Variants in LYST observed in about 807,000 individuals in gnomAD.
LYST encodes the protein lysosomal-trafficking regulator.
Under a neutral mutation model 413.6 loss-of-function variants are expected in LYST, and 192 were observed. The observed-to-expected ratio is 0.46, with a 90% CI of 0.41 to 0.52. The LOEUF (loss-of-function observed/expected upper bound fraction) is 0.52, where lower values mean the gene tolerates loss of function less well. Among genes scored for constraint, LYST ranks in the 20% least tolerant of loss-of-function variants. The probability of loss-of-function intolerance (pLI) is 0.00; values close to 1 mark genes in which losing one functional copy is unlikely to be tolerated. For missense variants in LYST, 3,815 were observed against 4,499.9 expected, an observed-to-expected ratio of 0.85 and a Z score of 4.35; for synonymous variants, 1,525 against 1,567.3, an observed-to-expected ratio of 0.97 and a Z score of 0.64.
chr1:235,661,192 C>T lies in LYST; in HGVS notation c.*1748G>A, dbSNP rs1478248136. ...AGGTTTCATGCTGAATAAATAATCC[C>T]CCCAAATTAATTTTTATTTTTACAT... On this transcript the variant is annotated 3_prime_UTR_variant, in exon 53 of 53. Transcript: ENST00000389793. 10 of 152,354 alleles carry T rather than the reference C, an allele frequency of 6.6e-5. No individual in the cohort carries two copies. The highest frequency in any genetic ancestry group is 1.5e-4 in the Non-Finnish European group (10 of 68,004). The allele number at this position is 152,354 out of a possible 1,614,324, so 9.4% of individuals were successfully genotyped here.
At position 235,809,981 on chromosome 1, in the gene LYST, A is replaced by C; in HGVS notation, c.837T>G (p.Ser279=). The change falls in exon 5 of 53, where the codon TCT becomes TCG. Residue 279 remains serine (S), a synonymous_variant. Coordinates refer to ENST00000389793, the MANE Select transcript of LYST (RefSeq NM_000081.4). This position sits in a 1 kb window ranked among gnomAD's most constrained non-coding sequence, Gnocchi z 4.0. The stretch of plus-strand genomic sequence containing the variant: ...TGGGCACTACACTGGCTGCTAAAGG[A>C]GAATTATGATTCAAGGTAACGTCAA... ...CKFDVTLNHN[S]PLAASVVPTL... The C allele has an allele frequency of 6.2e-7, 1 of 1,613,898 alleles. No homozygotes were observed. The highest frequency in any genetic ancestry group is 8.5e-7 in the Non-Finnish European group (1 of 1,179,924).
rs115454244 is a variant in LYST at position 235,838,046 on chromosome 1, T to C, written c.-97-4379A>G. ...GAAGGAACAGTGGCAGTTCATCTAATTGAATAAGAAGAATGTCAGAGAATA... is the reference window on the plus strand; with the variant it reads ...GAAGGAACAGTGGCAGTTCATCTAACTGAATAAGAAGAATGTCAGAGAATA... On this transcript the variant is annotated intron_variant, in intron 1 of 52. Transcript: ENST00000389793. 1.8e-3 allele frequency among the ~76,000 whole-genome samples: 269 copies of C among 152,214 alleles called. 1 individual carries two copies. The highest frequency in any genetic ancestry group is 5.9e-3 in the African/African-American group (244 of 41,542).
chr1:235,740,818 A>G (rs76893537), intron 31 of LYST, among the ~76,000 whole-genome samples: 568 of 152,334 alleles, frequency 3.7e-3, no homozygotes, highest in Non-Finnish European at 6.0e-3. Flanking sequence ...TCAGGTAAAT[A>G]TCTAAAAATG....
chr1:235,675,447 G>T (rs1045824503), intron 50 of LYST, among the ~76,000 whole-genome samples: 1 of 151,932 alleles, frequency 6.6e-6, no homozygotes, highest in Non-Finnish European at 1.5e-5. Context: ...TCCTTTTTTC[G>T]GTGTGCTCTT....
At chr1:235,827,781 A>G in intron 3 of LYST, 3 of 902,510 alleles carry the variant, frequency 3.3e-6, no homozygotes, top group Non-Finnish European at 4.0e-6. Context: ...TATGACCTAA[A>G]TAATTTTAGT....
chr1:235,718,630 G>A (rs968511815), intron 40 of LYST, among the ~76,000 whole-genome samples: 1 of 152,094 alleles, frequency 6.6e-6, no homozygotes, highest in Admixed American at 6.5e-5. Flanking sequence ...AAATACTCTA[G>A]TATACTAAGT....
In LYST at chr1:235,774,131, C is replaced by CT. The variant is rs1368998564; in HGVS notation, c.5635-141dup. 3 of 650,158 alleles carry CT rather than the reference C, an allele frequency of 4.6e-6. No individual in the cohort carries two copies. In the East Asian group the frequency reaches 7.9e-5, roughly 17 times the overall value. 40.3% of individuals were successfully genotyped at this position (650,158 alleles called of 1,614,324 possible). A position where few individuals can be genotyped will look rare whatever the true frequency, so the allele number is the denominator to read the frequency against. ...AATAATTTAACACTTCACAAAGTAT[C>CT]TTTAACTTGTTTTGTAAAACAATTC... On this transcript the variant is annotated intron_variant, in intron 18 of 52. Transcript: ENST00000389793.
chr1:235,734,371 T>C lies in LYST; in HGVS notation c.8535+112A>G, dbSNP rs998072312. 7.9e-6 allele frequency: 7 copies of C among 883,734 alleles called. No homozygotes were observed. The Admixed American group carries it at 9.2e-5, about 12-fold the overall frequency. The allele number at this position is 883,734 out of a possible 1,614,324, so 54.7% of individuals were successfully genotyped here. A position where few individuals can be genotyped will look rare whatever the true frequency, so the allele number is the denominator to read the frequency against. Reference sequence around the variant, plus strand: ...AGTATATAGGAAAAATAAAATAAAATAATCATTTCAAGTTCATCATCAATG... The same window carrying C: ...AGTATATAGGAAAAATAAAATAAAACAATCATTTCAAGTTCATCATCAATG... On this transcript the variant is annotated intron_variant, in intron 32 of 52. Coordinates refer to ENST00000389793, the MANE Select transcript of LYST (RefSeq NM_000081.4).
intron 48 of LYST, among the ~76,000 whole-genome samples, chr1:235,682,014 A>G (rs1659854267): frequency 6.6e-6 from 1 of 152,160 alleles, no homozygotes; most frequent in Non-Finnish European, 1.5e-5. Context: ...AACCTACATC[A>G]AAGGGTTATT....
intron 31 of LYST, chr1:235,737,919 C>CGG: frequency 1.8e-5 from 21 of 1,160,706 alleles, no homozygotes; most frequent in Admixed American, 8.9e-5. Context: ...GCCGACGAGT[C>CGG]TGGATCTCAC....
intron 31 of LYST, chr1:235,738,157 TCATGG>T (rs1449614228): frequency 1.2e-5 from 20 of 1,609,370 alleles, no homozygotes; most frequent in Non-Finnish European, 1.6e-5. Flanking sequence ...CTTGTTGATG[TCATGG>T]AAGACAAATT....
chr1:235,715,597 T>C (rs939255266), intron 41 of LYST, among the ~76,000 whole-genome samples: 4 of 152,040 alleles, frequency 2.6e-5, no homozygotes, highest in Admixed American at 2.0e-4. Context: ...CTTCACTCTT[T>C]CATTCCCTCA....
rs771074733 is a variant in LYST, at chr1:235,757,465, C to A, written c.6882-7G>T. The stretch of plus-strand genomic sequence containing the variant: ...CAAACAGTCTTCAGTTACACTAAAA[C>A]AGAGACCAAAAAAGTCTTACTAACA... On this transcript the variant is annotated splice_region_variant and splice_polypyrimidine_tract_variant and intron_variant, in intron 23 of 52. Transcript: ENST00000389793. The A allele has an allele frequency of 2.4e-5, 38 of 1,611,870 alleles. No individual in the cohort carries two copies. Among genetic ancestry groups the A allele is most frequent in the Admixed American group, 3.3e-5 (2 of 59,968 alleles).
chr1:235,814,883 CAT>C (rs1553309221), intron 3 of LYST, among the ~76,000 whole-genome samples: 2 of 152,188 alleles, frequency 1.3e-5, no homozygotes, highest in Admixed American at 6.5e-5. Context: ...CTCTGCCACA[CAT>C]GAGCCCTCCG....
At chr1:235,874,314 G>A (rs1054794269) in intron 1 of LYST, among the ~76,000 whole-genome samples, 28 of 152,332 alleles carry the variant, frequency 1.8e-4, no homozygotes, top group African/African-American at 6.3e-4. Context: ...TACTTGCAAT[G>A]TTCAAGGCTT....
At chr1:235,791,249 T>C (rs556019493) in intron 12 of LYST, among the ~76,000 whole-genome samples, 9 of 152,058 alleles carry the variant, frequency 5.9e-5, no homozygotes, top group African/African-American at 2.2e-4. Flanking sequence ...GCCATTGCAC[T>C]CTAGCCTGGG....
intron 52 of LYST, among the ~76,000 whole-genome samples, 155 bp downstream of exon 52, chr1:235,663,829 G>C (rs1658219465): frequency 1.3e-5 from 2 of 152,202 alleles, no homozygotes; most frequent in African/African-American, 4.8e-5. Flanking sequence ...CTCTCTTGCT[G>C]CTGGGTCACG....
At chr1:235,858,719 C>T (rs1446741016) in intron 1 of LYST, among the ~76,000 whole-genome samples, 4 of 152,186 alleles carry the variant, frequency 2.6e-5, no homozygotes, top group African/African-American at 9.7e-5. Flanking sequence ...CTTCCCACTA[C>T]CCCCTACTCA....
At chr1:235,748,171 CA>C (rs1458159115) in intron 28 of LYST, among the ~76,000 whole-genome samples, 4 of 152,066 alleles carry the variant, frequency 2.6e-5, no homozygotes, top group African/African-American at 9.7e-5. Flanking sequence ...ATATAAAGTT[CA>C]TTTGTATGTG....
Sources: gnomAD v4.1 joint callset for allele counts (sites outside exome capture counted in the v4.1 genomes callset) on GRCh38, gnomAD v4.1.1 for gene constraint, Gnocchi (gnomAD v3.1) non-coding constraint, MANE v1.5 for transcripts, NCBI Gene and HGNC (gene_info 2026-07-23, HGNC 2026-07-21) for gene names.